The following DGKB variants were observed in gnomAD, a reference collection of about 807,000 sequenced individuals.
DGKB encodes the protein 90 kDa diacylglycerol kinase.
DGKB carries 67 observed loss-of-function variants against 114.3 expected under a neutral mutation model. That is an observed-to-expected ratio of 0.59 (90% confidence interval 0.48 to 0.72). DGKB has a LOEUF of 0.72. Ranked by LOEUF, DGKB falls within the 30% of genes least tolerant of loss-of-function variation. The pLI is 0.00. For missense variants in DGKB, 907 were observed against 975.2 expected, an observed-to-expected ratio of 0.93 and a Z score of 0.93; for synonymous variants, 398 against 323.1, an observed-to-expected ratio of 1.23 and a Z score of -2.49.
At chr7:14,504,686 C>G (rs1422577013) in intron 20 of DGKB, among the ~76,000 whole-genome samples, 1 of 152,050 alleles carries the variant, frequency 6.6e-6, no homozygotes, top group African/African-American at 2.4e-5. Flanking sequence ...ACACAAAGAA[C>G]AATCAGAAAG....
chr7:14,828,582 A>G (rs1211031877), intron 2 of DGKB, among the ~76,000 whole-genome samples: 2 of 152,032 alleles, frequency 1.3e-5, no homozygotes, highest in African/African-American at 2.4e-5. Context: ...TATTTAGTAC[A>G]TACTAGTAAA....
At chr7:14,293,250 A>G (rs1802039476) in intron 23 of DGKB, among the ~76,000 whole-genome samples, 1 of 152,186 alleles carries the variant, frequency 6.6e-6, no homozygotes, top group Non-Finnish European at 1.5e-5. Flanking sequence ...AAAGCTCTGC[A>G]GAAATCATGT....
intron 21 of DGKB, among the ~76,000 whole-genome samples, chr7:14,432,037 A>G (rs969207228): frequency 3.3e-5 from 5 of 152,196 alleles, no homozygotes; most frequent in Non-Finnish European, 7.3e-5. Context: ...GCCCAGAAAT[A>G]TAAAAACAAT....
At chr7:14,460,052 A>C (rs144009977) in intron 21 of DGKB, among the ~76,000 whole-genome samples, 1 of 152,312 alleles carries the variant, frequency 6.6e-6, no homozygotes, top group East Asian at 1.9e-4. Context: ...AAATGCTGAG[A>C]GATTTTGTCA....
At chr7:14,778,781 T>C (rs1838619860) in intron 2 of DGKB, among the ~76,000 whole-genome samples, 3 of 152,358 alleles carry the variant, frequency 2.0e-5, no homozygotes, top group Middle Eastern at 6.8e-3. Context: ...TAGCACATTT[T>C]TGTGACTTTT....
intron 6 of DGKB, among the ~76,000 whole-genome samples, chr7:14,717,616 A>G (rs1828421880): frequency 6.6e-6 from 1 of 152,196 alleles, no homozygotes; most frequent in African/African-American, 2.4e-5. Context: ...AGTTACTACT[A>G]AATTTAACTA....
intron 7 of DGKB, among the ~76,000 whole-genome samples, chr7:14,700,810 T>C (rs1825036336): frequency 6.6e-6 from 1 of 152,202 alleles, no homozygotes; most frequent in Admixed American, 6.5e-5. Flanking sequence ...AACATTTGTT[T>C]TTAATAATAT....
At chr7:14,451,541 ATCTG>A (rs570779124) in intron 21 of DGKB, among the ~76,000 whole-genome samples, 2,271 of 99,224 alleles carry the variant, frequency 0.023, 41 homozygotes, top group Middle Eastern at 0.13. Flanking sequence ...AAATCTCTCT[ATCTG>A]TCTCTCTCTC....
At chr7:14,568,917 A>G (rs10499453) in intron 20 of DGKB, among the ~76,000 whole-genome samples, 5,507 of 152,258 alleles carry the variant, frequency 0.036, 338 homozygotes, top group African/African-American at 0.12. Flanking sequence ...AGGGTTCCTA[A>G]AGACAATTTC....
intron 17 of DGKB, among the ~76,000 whole-genome samples, chr7:14,604,653 G>A (rs1206726499): frequency 1.3e-5 from 2 of 152,100 alleles, no homozygotes; most frequent in Non-Finnish European, 2.9e-5. Flanking sequence ...ATGAAACAGA[G>A]CAACTTCTAA....
chr7:14,524,781 A>G (rs1790378102), intron 20 of DGKB, among the ~76,000 whole-genome samples: 1 of 151,508 alleles, frequency 6.6e-6, no homozygotes, highest in Non-Finnish European at 1.5e-5. Flanking sequence ...AAAGATTCTA[A>G]TTTAAATGTG....
At chr7:14,367,933 C>T (rs935463569) in intron 21 of DGKB, among the ~76,000 whole-genome samples, 4 of 151,930 alleles carry the variant, frequency 2.6e-5, no homozygotes, top group African/African-American at 9.7e-5. Flanking sequence ...CTACTTGATA[C>T]GTGGGGATTA....
At chr7:14,920,347 A>G (rs1158522834) in intron 1 of DGKB, among the ~76,000 whole-genome samples, 1 of 152,206 alleles carries the variant, frequency 6.6e-6, no homozygotes, top group Non-Finnish European at 1.5e-5. Context: ...TATATGAAAG[A>G]CACCTCATGA....
intron 1 of DGKB, among the ~76,000 whole-genome samples, chr7:14,856,455 TTTA>T (rs1387948912): frequency 5.3e-5 from 8 of 152,180 alleles, no homozygotes; most frequent in Non-Finnish European, 8.8e-5. Flanking sequence ...CTATGCTTCT[TTTA>T]TTCTTTTACT....
chr7:14,171,955 G>C (rs770187828), intron 25 of DGKB, among the ~76,000 whole-genome samples: 19 of 152,156 alleles, frequency 1.2e-4, no homozygotes, highest in Non-Finnish European at 2.5e-4. Flanking sequence ...ATATAACTGA[G>C]AATTCCAACG....
chr7:14,307,653 T>A (rs1389173832), intron 23 of DGKB, among the ~76,000 whole-genome samples: 1 of 152,150 alleles, frequency 6.6e-6, no homozygotes, highest in African/African-American at 2.4e-5. Flanking sequence ...AATATAACAT[T>A]TGTAGTTAAT....
At chr7:14,349,011 G>A (rs1405771761) in intron 21 of DGKB, among the ~76,000 whole-genome samples, 2 of 152,068 alleles carry the variant, frequency 1.3e-5, no homozygotes, top group African/African-American at 4.8e-5. Context: ...TTAGCAGAGG[G>A]GTGACATCGT....
intron 21 of DGKB, among the ~76,000 whole-genome samples, chr7:14,432,006 C>T (rs1828522946): frequency 6.6e-6 from 1 of 152,032 alleles, no homozygotes; most frequent in Non-Finnish European, 1.5e-5. Flanking sequence ...AGGTATGTTT[C>T]AGGGGAAAAT....
intron 23 of DGKB, among the ~76,000 whole-genome samples, chr7:14,205,609 G>A (rs767968657): frequency 2.6e-5 from 4 of 151,936 alleles, no homozygotes; most frequent in Non-Finnish European, 5.9e-5. Context: ...AAGATTGGAG[G>A]ATCAGACAAC....
Sources: allele counts gnomAD v4.1 joint callset (sites outside exome capture counted in the v4.1 genomes callset), GRCh38; gene constraint gnomAD v4.1.1; transcripts MANE v1.5; gene names NCBI Gene and HGNC (gene_info 2026-07-23, HGNC 2026-07-21).